Variants in PPP1R9A observed in about 807,000 individuals in gnomAD.
PPP1R9A encodes protein phosphatase 1 regulatory subunit 9A, also known as neurabin-1.
A neutral mutation model predicts 141.9 loss-of-function variants in PPP1R9A; 59 were observed. The observed-to-expected ratio is 0.42, with a 90% CI of 0.34 to 0.52. The LOEUF is 0.52. Among genes scored for constraint, PPP1R9A ranks in the 20% least tolerant of loss-of-function variants. The pLI is 0.10. For synonymous variants in PPP1R9A, 500 were observed against 569.7 expected (o/e 0.88, Z 1.74); for missense variants, 1,444 against 1,611.9 (o/e 0.90, Z 1.78).
intron 2 of PPP1R9A, among the ~76,000 whole-genome samples, chr7:95,049,588 T>C (rs1810507571): frequency 6.6e-6 from 1 of 152,204 alleles, no homozygotes; most frequent in South Asian, 2.1e-4. Context: ...TAGTGTTGTA[T>C]TTTTCATGGG....
intron 12 of PPP1R9A, among the ~76,000 whole-genome samples, chr7:95,252,711 A>G (rs1211560434): frequency 2.0e-5 from 3 of 152,014 alleles, no homozygotes; most frequent in Non-Finnish European, 4.4e-5. Context: ...CAGGTGATCC[A>G]CCTGCCTTGG....
chr7:94,915,997 T>G (rs1354628141), intron 2 of PPP1R9A, among the ~76,000 whole-genome samples: 1 of 152,186 alleles, frequency 6.6e-6, no homozygotes, highest in Non-Finnish European at 1.5e-5. Flanking sequence ...TTTCCACTGC[T>G]TTTTGTCTAT....
At chr7:95,236,002 G>C (rs1796627585) in intron 8 of PPP1R9A, among the ~76,000 whole-genome samples, 1 of 152,068 alleles carries the variant, frequency 6.6e-6, no homozygotes, top group Non-Finnish European at 1.5e-5. Flanking sequence ...GAAAAGGTGG[G>C]GTGGCAAGAG....
chr7:95,269,207 C>T lies in PPP1R9A; in HGVS notation c.2824C>T (p.Pro942Ser). 3 of 1,522,736 alleles carry T rather than the reference C, an allele frequency of 2.0e-6. No individual in the cohort carries two copies. The highest frequency in any genetic ancestry group is 2.3e-5 in the East Asian group (1 of 44,422). The allele number at this position is 1,522,736 out of a possible 1,614,324, so 94.3% of individuals were successfully genotyped here. The change falls in exon 14 of 20, where the codon CCA (proline) becomes TCA (serine). Residue 942 changes from proline (P) to serine (S), a missense_variant and splice_region_variant. Around this residue, in one of 5 missense-constraint regions of PPP1R9A, gnomAD observed 459 missense variants for 513.8 expected, o/e 0.89. Coordinates refer to ENST00000433360, the MANE Select transcript of PPP1R9A (RefSeq NM_001166160.2). ...TCCTTATAATCTCTTATACCAACAG[C>T]CATCAAACAGTTTCTATAACCACAT... The part of the protein sequence containing the change: ...TDGEDSLERK[P>S]SNSFYNHMHI...
At chr7:94,966,553 T>C (rs556388705) in intron 2 of PPP1R9A, among the ~76,000 whole-genome samples, 2 of 152,376 alleles carry the variant, frequency 1.3e-5, no homozygotes, top group Non-Finnish European at 1.5e-5. Flanking sequence ...GAAGGCCTTT[T>C]CTGCATCTAT....
chr7:95,014,161 A>G (rs887236111), intron 2 of PPP1R9A, among the ~76,000 whole-genome samples: 1 of 152,080 alleles, frequency 6.6e-6, no homozygotes, highest in African/African-American at 2.4e-5. Flanking sequence ...TTTAATCTGT[A>G]TCCTTTATTC....
At chr7:95,009,133 A>G (rs577095455) in intron 2 of PPP1R9A, among the ~76,000 whole-genome samples, 123 of 152,166 alleles carry the variant, frequency 8.1e-4, no homozygotes, top group Middle Eastern at 3.4e-3. Context: ...GGGGAACATC[A>G]CACACCGGGG....
intron 2 of PPP1R9A, among the ~76,000 whole-genome samples, chr7:95,070,802 T>A: frequency 6.6e-6 from 1 of 151,654 alleles, no homozygotes; most frequent in Non-Finnish European, 1.5e-5. Context: ...ACTTTATAGG[T>A]ATTTAGTAAC....
At chr7:95,070,231 A>G (rs1244600458) in intron 2 of PPP1R9A, among the ~76,000 whole-genome samples, 1 of 152,070 alleles carries the variant, frequency 6.6e-6, no homozygotes, top group Admixed American at 6.6e-5. Flanking sequence ...TAAACATCAT[A>G]TATGTAACCT....
intron 2 of PPP1R9A, among the ~76,000 whole-genome samples, chr7:95,021,628 T>A (rs1292389134): frequency 6.6e-6 from 1 of 152,204 alleles, no homozygotes; most frequent in African/African-American, 2.4e-5. Context: ...CTTTAATCCA[T>A]CTTGAGTTAA....
intron 7 of PPP1R9A, among the ~76,000 whole-genome samples, chr7:95,219,805 C>G (rs1421006453): frequency 6.6e-6 from 1 of 152,084 alleles, no homozygotes; most frequent in South Asian, 2.1e-4. Context: ...AAGATACAAA[C>G]TAAATGACTT....
intron 12 of PPP1R9A, among the ~76,000 whole-genome samples, chr7:95,258,184 T>C (rs371830013): frequency 1.3e-5 from 2 of 152,200 alleles, no homozygotes; most frequent in African/African-American, 4.8e-5. Flanking sequence ...ACCTGTTGTT[T>C]CCTGACTTTT....
At chr7:94,989,629 A>G (rs1275939729) in intron 2 of PPP1R9A, among the ~76,000 whole-genome samples, 1 of 151,928 alleles carries the variant, frequency 6.6e-6, no homozygotes, top group East Asian at 1.9e-4. Flanking sequence ...CTCATTCCCA[A>G]TTTCCTTACA....
chr7:95,186,916 AT>A (rs1834737420), intron 5 of PPP1R9A, among the ~76,000 whole-genome samples: 1 of 152,000 alleles, frequency 6.6e-6, no homozygotes, highest in Non-Finnish European at 1.5e-5. Flanking sequence ...GTTTACTAGT[AT>A]TTTATTGAGG....
intron 7 of PPP1R9A, among the ~76,000 whole-genome samples, chr7:95,221,535 G>A (rs1794459081): frequency 6.6e-6 from 1 of 151,926 alleles, no homozygotes; most frequent in African/African-American, 2.4e-5. Flanking sequence ...AAAGTTATAT[G>A]TTTACCAAGA....
At position 94,910,767 on chromosome 7, in the gene PPP1R9A, C is replaced by A; in HGVS notation, c.654C>A (p.Ile218=). 6.2e-7 allele frequency: 1 copy of A among 1,614,118 alleles called. No individual in the cohort carries two copies. Among genetic ancestry groups the A allele is most frequent in the Non-Finnish European group, 8.5e-7 (1 of 1,180,030 alleles). ...VFENTDSPSA[I]ISEKAENNEY... ...AGAACACTGATTCTCCCAGTGCCAT[C>A]ATTTCTGAGAAGGCTGAAAACAATG... The change falls in exon 2 of 20, where the codon ATC becomes ATA. Residue 218 remains isoleucine, a synonymous_variant. Transcript: ENST00000433360. This position sits in a 1 kb window ranked among gnomAD's most constrained non-coding sequence, Gnocchi z 4.5.
chr7:95,265,420 A>G (rs1406551584), intron 12 of PPP1R9A, among the ~76,000 whole-genome samples: 4 of 152,234 alleles, frequency 2.6e-5, no homozygotes, highest in Non-Finnish European at 5.9e-5. Flanking sequence ...AGCTGGGACC[A>G]GAATCCCAAG....
intron 2 of PPP1R9A, among the ~76,000 whole-genome samples, chr7:95,072,154 GTTAC>G (rs1247041138): frequency 2.0e-5 from 3 of 148,874 alleles, no homozygotes; most frequent in Admixed American, 6.7e-5. Context: ...CTTCTCTTTT[GTTAC>G]TTACTTCTTT....
At chr7:95,119,593 A>G (rs935369377) in intron 3 of PPP1R9A, among the ~76,000 whole-genome samples, 2 of 152,084 alleles carry the variant, frequency 1.3e-5, no homozygotes, top group African/African-American at 4.8e-5. Context: ...AGCTGGGACT[A>G]CAGGTGTGCC....
Sources: gnomAD v4.1 joint callset for allele counts (sites outside exome capture counted in the v4.1 genomes callset) on GRCh38, gnomAD v4.1.1 for gene constraint, gnomAD v4.1.1 regional missense constraint, Gnocchi (gnomAD v3.1) non-coding constraint, MANE v1.5 for transcripts, NCBI Gene and HGNC (gene_info 2026-07-23, HGNC 2026-07-21) for gene names.